Variants in PTPRN2 observed in about 807,000 individuals in gnomAD.
PTPRN2 encodes receptor-type tyrosine-protein phosphatase N2.
PTPRN2 carries 74 observed loss-of-function variants against 118.8 expected under a neutral mutation model. That is an observed-to-expected ratio of 0.62 (90% CI 0.52 to 0.76). PTPRN2 has a LOEUF of 0.76. Ranked by LOEUF, PTPRN2 falls within the 30% of genes least tolerant of loss-of-function variation. PTPRN2 has a pLI of 0.00. For synonymous variants in PTPRN2, 641 were observed against 608.0 expected (o/e 1.05, Z -0.80); for missense variants, 1,481 against 1,394.4 (o/e 1.06, Z -0.99).
At chr7:158,391,957 C>T (rs990855090) in intron 2 of PTPRN2, among the ~76,000 whole-genome samples, 3 of 152,182 alleles carry the variant, frequency 2.0e-5, no homozygotes, top group South Asian at 2.1e-4. Context: ...GCCTGTGAGT[C>T]GAGAGTCCTC....
At chr7:157,817,774 A>T (rs757243257) in intron 12 of PTPRN2, among the ~76,000 whole-genome samples, 3 of 151,862 alleles carry the variant, frequency 2.0e-5, no homozygotes, top group Non-Finnish European at 4.4e-5. Flanking sequence ...TGTGTGAGAG[A>T]CGTGTGTGAT....
chr7:158,062,903 C>T (rs1184003684), intron 11 of PTPRN2, among the ~76,000 whole-genome samples: 1 of 152,212 alleles, frequency 6.6e-6, no homozygotes, highest in Non-Finnish European at 1.5e-5. Context: ...AAGCGCCGCC[C>T]CCTGCTCCGC....
intron 13 of PTPRN2, among the ~76,000 whole-genome samples, chr7:157,673,882 T>TG (rs34962716): frequency 0.21 from 32,266 of 152,108 alleles, 3,919 homozygotes; most frequent in Non-Finnish European, 0.27. Flanking sequence ...GGGTTCACAC[T>TG]GGGGAGTCCT....
intron 14 of PTPRN2, among the ~76,000 whole-genome samples, chr7:157,649,457 T>TTCA (rs1437226236): frequency 7.0e-6 from 1 of 142,872 alleles, no homozygotes; most frequent in African/African-American, 2.6e-5. Flanking sequence ...GTCAGACCCA[T>TTCA]CTAGCGTGCA....
intron 12 of PTPRN2, among the ~76,000 whole-genome samples, chr7:157,713,694 C>A (rs1798764363): frequency 6.6e-6 from 1 of 152,210 alleles, no homozygotes; most frequent in African/African-American, 2.4e-5. Flanking sequence ...GTTTGTCCAA[C>A]TCTCTTATTC....
In PTPRN2 at chr7:157,995,479, C is replaced by T. The variant is rs113315054; in HGVS notation, c.1723+85819G>A. 7.1e-3 allele frequency among the ~76,000 whole-genome samples: 1,086 copies of T among 152,366 alleles called. 6 individuals carry two copies. The highest frequency in any genetic ancestry group is 0.011 in the Non-Finnish European group (740 of 68,042). On this transcript the variant is annotated intron_variant, in intron 11 of 22. Coordinates refer to ENST00000389418, the MANE Select transcript of PTPRN2 (RefSeq NM_002847.5). ...TCACTCAGGGAGAGATCTCACCAGT[C>T]CAGCCACATCTGGGAGATAAAAATG...
chr7:158,319,571 ACG>A (rs1247707714), intron 2 of PTPRN2, among the ~76,000 whole-genome samples: 6 of 136,412 alleles, frequency 4.4e-5, no homozygotes, highest in African/African-American at 1.2e-4. Context: ...TCCCTCACAC[ACG>A]CACACAGCCT....
At chr7:157,904,782 C>CCCG (rs1282280782) in intron 11 of PTPRN2, among the ~76,000 whole-genome samples, 1 of 152,232 alleles carries the variant, frequency 6.6e-6, no homozygotes, top group Non-Finnish European at 1.5e-5. Flanking sequence ...CACAGAGAGG[C>CCCG]CCGCACCTCC....
intron 11 of PTPRN2, among the ~76,000 whole-genome samples, chr7:157,961,851 T>C (rs915381084): frequency 4.6e-5 from 7 of 152,012 alleles, no homozygotes; most frequent in Admixed American, 4.6e-4. Context: ...GGAGGATGAG[T>C]TCCAGTGGGA....
intron 2 of PTPRN2, among the ~76,000 whole-genome samples, chr7:158,345,609 T>C (rs1445398174): frequency 6.6e-6 from 1 of 152,224 alleles, no homozygotes; most frequent in African/African-American, 2.4e-5. Flanking sequence ...AGCTTTCCAA[T>C]GCCGTCCACT....
intron 3 of PTPRN2, among the ~76,000 whole-genome samples, chr7:158,252,264 C>T (rs191360535): frequency 1.9e-4 from 29 of 152,270 alleles, no homozygotes; most frequent in Admixed American, 1.5e-3. Context: ...TCAGAGCAGT[C>T]GCAGAAGCTC....
intron 10 of PTPRN2, among the ~76,000 whole-genome samples, chr7:158,099,058 T>A: frequency 9.9e-5 from 1 of 10,144 alleles, no homozygotes; most frequent in African/African-American, 5.4e-4. Flanking sequence ...CCCGGCTGCC[T>A]CCCCTTCCTC....
At chr7:158,292,752 G>A (rs1420539904) in intron 3 of PTPRN2, among the ~76,000 whole-genome samples, 3 of 152,176 alleles carry the variant, frequency 2.0e-5, no homozygotes, top group African/African-American at 7.2e-5. Context: ...ACATTAAAAG[G>A]TGCAGTAAAA....
At chr7:158,429,213 C>T (rs1172193148) in intron 2 of PTPRN2, among the ~76,000 whole-genome samples, 3 of 152,302 alleles carry the variant, frequency 2.0e-5, no homozygotes, top group Non-Finnish European at 2.9e-5. Context: ...TTCCTGAAGC[C>T]GAGAGCACTG....
chr7:157,919,631 T>G (rs552175263), intron 11 of PTPRN2, among the ~76,000 whole-genome samples: 1 of 152,310 alleles, frequency 6.6e-6, no homozygotes, highest in East Asian at 1.9e-4. Context: ...CATAAACTCT[T>G]AGAGGTAATC....
chr7:157,997,667 G>A (rs182294880), intron 11 of PTPRN2, among the ~76,000 whole-genome samples: 2 of 150,348 alleles, frequency 1.3e-5, no homozygotes, highest in Admixed American at 1.3e-4. Context: ...TCTACAGAAA[G>A]AGGAGGCCAG....
chr7:157,834,601 G>A (rs1016966059), intron 12 of PTPRN2, among the ~76,000 whole-genome samples: 6 of 152,254 alleles, frequency 3.9e-5, no homozygotes, highest in African/African-American at 7.2e-5. Flanking sequence ...GGCACCCAGC[G>A]CAGCTGCGCT....
chr7:157,840,609 A>G (rs772114507), intron 12 of PTPRN2, among the ~76,000 whole-genome samples: 8 of 152,204 alleles, frequency 5.3e-5, no homozygotes, highest in Non-Finnish European at 1.0e-4. Flanking sequence ...CCCACAGAGC[A>G]GGCCCCGTGT....
chr7:157,612,101 G>A (rs1802385149), intron 15 of PTPRN2, among the ~76,000 whole-genome samples: 1 of 152,202 alleles, frequency 6.6e-6, no homozygotes, highest in African/African-American at 2.4e-5. Flanking sequence ...AGCACCTGGA[G>A]CGACCTGGGT....
Sources: gnomAD v4.1 joint callset for allele counts (sites outside exome capture counted in the v4.1 genomes callset) on GRCh38, gnomAD v4.1.1 for gene constraint, MANE v1.5 for transcripts, NCBI Gene and HGNC (gene_info 2026-07-23, HGNC 2026-07-21) for gene names.